The following NOTCH2 variants were observed in gnomAD, a reference collection of about 807,000 sequenced individuals.
NOTCH2 encodes the protein notch receptor 2.
In NOTCH2, 29 loss-of-function variants were observed where a neutral mutation model predicts 235.8. The observed-to-expected ratio is 0.12, with a 90% CI of 0.09 to 0.17. NOTCH2 has a LOEUF of 0.17. NOTCH2 is among the 10% of genes least tolerant of loss of function. NOTCH2 has a pLI of 1.00. For missense variants in NOTCH2, 2,285 were observed against 3,150.2 expected (o/e 0.73, Z 6.57); for synonymous variants, 1,086 against 1,141.5 (o/e 0.95, Z 0.98).
intron 14 of NOTCH2, among the ~76,000 whole-genome samples, chr1:119,952,424 G>A (rs1650514952): frequency 2.0e-5 from 3 of 152,314 alleles, no homozygotes; most frequent in African/African-American, 7.2e-5. Flanking sequence ...TTACTATAAT[G>A]TAGAATTGGT....
At chr1:119,950,134 C>T (rs973634113) in intron 15 of NOTCH2, 9 of 285,274 alleles carry the variant, frequency 3.2e-5, no homozygotes, top group Admixed American at 9.8e-5. Context: ...TGAGATGTAG[C>T]GGTACTGAAT....
intron 26 of NOTCH2, among the ~76,000 whole-genome samples, chr1:119,923,291 T>C (rs931468999): frequency 6.6e-6 from 1 of 152,168 alleles, no homozygotes; most frequent in African/African-American, 2.4e-5. Context: ...CAAAGAGACA[T>C]ATATTCTAAA....
At chr1:119,971,336 A>C (rs1383213248) in intron 5 of NOTCH2, among the ~76,000 whole-genome samples, 3 of 152,172 alleles carry the variant, frequency 2.0e-5, no homozygotes, top group African/African-American at 7.2e-5. Flanking sequence ...CCAGCCATAT[A>C]ATTCTTGAAG....
At chr1:119,926,467 G>T in intron 24 of NOTCH2, 32 bp downstream of exon 24, 1 of 1,443,848 alleles carries the variant, frequency 6.9e-7, no homozygotes, top group Non-Finnish European at 9.7e-7. Flanking sequence ...AAGAGACAAT[G>T]CCCCTTCTTA....
intron 5 of NOTCH2, among the ~76,000 whole-genome samples, chr1:119,984,392 T>C (rs1429820358): frequency 1.3e-5 from 2 of 152,226 alleles, no homozygotes; most frequent in African/African-American, 4.8e-5. Flanking sequence ...CCCTTTTGAA[T>C]ACGCATCATC....
chr1:119,948,407 T>TA lies in NOTCH2; in HGVS notation c.2752+6dup. On this transcript the variant is annotated splice_region_variant and intron_variant, in intron 17 of 33. Coordinates refer to ENST00000256646, the MANE Select transcript of NOTCH2 (RefSeq NM_024408.4). ...CTGGGGGCTTAAGAGCTGACTGGCA[T>TA]ACTCACTGGCAAGGCAGTCATCAAT... is the stretch of plus-strand genomic sequence containing the variant. 6.2e-7 allele frequency: 1 copy of TA among 1,614,028 alleles called. No individual in the cohort carries two copies. Among genetic ancestry groups the TA allele is most frequent in the Non-Finnish European group, 8.5e-7 (1 of 1,180,016 alleles).
chr1:119,923,809 G>A lies in NOTCH2; in HGVS notation c.4687C>T (p.Arg1563Cys), dbSNP rs1194257253. ...MPPEQLLQDA[R>C]SFLRALGTLL... Reference sequence around the variant, plus strand: ...GTACCCAGTGCCCGCAAGAAGCTGCGAGCATCCTGGAGCAGTTGTTCAGGT... The same window carrying A: ...GTACCCAGTGCCCGCAAGAAGCTGCAAGCATCCTGGAGCAGTTGTTCAGGT... The change falls in exon 26 of 34, where the codon CGC becomes TGC. Residue 1563 changes from arginine to cysteine, a missense_variant. Coordinates refer to ENST00000256646, the MANE Select transcript of NOTCH2 (RefSeq NM_024408.4). The A allele has an allele frequency of 3.1e-6, 5 of 1,614,130 alleles. No individual in the cohort carries two copies. Among genetic ancestry groups the A allele is most frequent in the South Asian group, 2.2e-5 (2 of 91,074 alleles).
intron 4 of NOTCH2, chr1:119,996,450 T>C (rs1289884305): frequency 1.8e-6 from 1 of 568,636 alleles, no homozygotes; most frequent in Middle Eastern, 4.8e-4. Flanking sequence ...TAGGGGAGGG[T>C]TACCCCAAAG....
At chr1:119,974,095 T>C (rs1257753618) in intron 5 of NOTCH2, among the ~76,000 whole-genome samples, 1 of 152,178 alleles carries the variant, frequency 6.6e-6, no homozygotes, top group Admixed American at 6.5e-5. Context: ...CACTAAGTTA[T>C]AGGCTACCTA....
intron 25 of NOTCH2, among the ~76,000 whole-genome samples, chr1:119,924,767 C>A (rs1310105679): frequency 6.6e-6 from 1 of 152,146 alleles, no homozygotes; most frequent in Non-Finnish European, 1.5e-5. Context: ...GTTAGTAATA[C>A]CTATGCCTCG....
intron 12 of NOTCH2, among the ~76,000 whole-genome samples, chr1:119,958,726 G>GTGTC (rs1368992388): frequency 1.3e-5 from 2 of 151,746 alleles, no homozygotes; most frequent in African/African-American, 4.8e-5. Context: ...GTGTGTGTGT[G>GTGTC]TGTGTGTGTG....
intron 24 of NOTCH2, 80 bp downstream of exon 24, chr1:119,926,398 CCCATTTCGAAGATTGGTAAAA>C (rs1649472115): frequency 2.2e-6 from 2 of 927,046 alleles, no homozygotes; most frequent in Non-Finnish European, 3.5e-6. Context: ...GAGAAATCTT[CCCATTTCGAAGATTGGTAAAA>C]CCAGGTTTAA....
At chr1:119,919,160 C>A in intron 31 of NOTCH2, 152 bp downstream of exon 31, 1 of 885,398 alleles carries the variant, frequency 1.1e-6, no homozygotes, top group Non-Finnish European at 1.7e-6. Context: ...CTCCCTTTTC[C>A]CACTTTCCCA....
intron 29 of NOTCH2, 138 bp downstream of exon 29, chr1:119,921,575 A>C: frequency 1.3e-6 from 1 of 770,632 alleles, no homozygotes; most frequent in Admixed American, 2.0e-5. Flanking sequence ...AGGAGAACCT[A>C]GGATAGTTAT....
intron 9 of NOTCH2, 82 bp downstream of exon 9, chr1:119,966,294 C>G: frequency 1.1e-6 from 1 of 907,688 alleles, no homozygotes; most frequent in Admixed American, 1.7e-5. Flanking sequence ...ACAGCCCACA[C>G]ACATTCTCTC....
intron 5 of NOTCH2, among the ~76,000 whole-genome samples, chr1:119,976,139 T>G (rs587600735): frequency 4.6e-5 from 7 of 152,122 alleles, no homozygotes; most frequent in Admixed American, 6.5e-5. Context: ...GCACTGAGTC[T>G]GCTACCTTCT....
intron 3 of NOTCH2, 37 bp downstream of exon 3, chr1:120,005,292 A>C: frequency 6.2e-7 from 1 of 1,614,020 alleles, no homozygotes; most frequent in Non-Finnish European, 8.5e-7. Flanking sequence ...GTATCTGCTG[A>C]AGGTAGGAAA....
chr1:120,065,599 G>A (rs2799242), intron 1 of NOTCH2, among the ~76,000 whole-genome samples: 117 of 147,128 alleles, frequency 8.0e-4, no homozygotes, highest in African/African-American at 2.8e-3. Flanking sequence ...AATGGAGGAC[G>A]GAAACAGTGG....
intron 20 of NOTCH2, 25 bp downstream of exon 20, chr1:119,937,832 C>T: frequency 6.2e-7 from 1 of 1,613,962 alleles, no homozygotes. Context: ...AGTGAATGAC[C>T]TGAGCCCAAG....
Sources: gnomAD v4.1 joint callset for allele counts (sites outside exome capture counted in the v4.1 genomes callset) on GRCh38, gnomAD v4.1.1 for gene constraint, MANE v1.5 for transcripts, NCBI Gene and HGNC (gene_info 2026-07-23, HGNC 2026-07-21) for gene names.